The following SPSB1 variants were observed in gnomAD, a reference collection of about 807,000 sequenced individuals.
SPSB1 encodes splA/ryanodine receptor domain and SOCS box containing 1, also known as SPRY domain-containing SOCS box protein 1.
SPSB1 carries 8 observed loss-of-function variants against 21.2 expected under a neutral mutation model. The observed-to-expected ratio is 0.38, with a 90% CI of 0.22 to 0.68. SPSB1 has a LOEUF of 0.68. Among genes scored for constraint, SPSB1 ranks in the 30% least tolerant of loss-of-function variants. The probability of loss-of-function intolerance (pLI) is 0.53; values close to 1 mark genes in which losing one functional copy is unlikely to be tolerated. For synonymous variants in SPSB1, 169 were observed against 161.7 expected (o/e 1.05, Z -0.34); for missense variants, 242 against 377.8 (o/e 0.64, Z 2.98).
intron 1 of SPSB1, among the ~76,000 whole-genome samples, chr1:9,335,712 A>G (rs1639993558): frequency 6.6e-6 from 1 of 152,112 alleles, no homozygotes; most frequent in African/African-American, 2.4e-5. Context: ...AGGCAGGAAG[A>G]TCACTTGAGC....
chr1:9,357,618 C>T (rs1389816792), intron 2 of SPSB1, among the ~76,000 whole-genome samples: 1 of 152,176 alleles, frequency 6.6e-6, no homozygotes, highest in Non-Finnish European at 1.5e-5. Flanking sequence ...TGAGGGACTT[C>T]TTCAGTCATG....
intron 1 of SPSB1, among the ~76,000 whole-genome samples, chr1:9,315,688 C>T (rs1319725622): frequency 6.6e-6 from 1 of 152,244 alleles, no homozygotes; most frequent in Non-Finnish European, 1.5e-5. Context: ...TAGGGCATCA[C>T]GTGCAGCAAA....
chr1:9,333,701 C>G (rs917762675), intron 1 of SPSB1, among the ~76,000 whole-genome samples: 4 of 152,268 alleles, frequency 2.6e-5, no homozygotes, highest in Admixed American at 2.6e-4. Flanking sequence ...GTAGGCTGAC[C>G]CCAGAGCGGC....
At chr1:9,351,161 A>G (rs1640249225) in intron 1 of SPSB1, among the ~76,000 whole-genome samples, 1 of 152,240 alleles carries the variant, frequency 6.6e-6, no homozygotes, top group African/African-American at 2.4e-5. Context: ...AAACACATTC[A>G]TGCCCATTGA....
intron 1 of SPSB1, among the ~76,000 whole-genome samples, chr1:9,319,572 G>T (rs898566358): frequency 7.9e-5 from 12 of 152,158 alleles, no homozygotes; most frequent in African/African-American, 2.9e-4. Flanking sequence ...GGAGCGCTTG[G>T]GTCAGGCCCT....
At chr1:9,360,928 T>A (rs1366716404) in intron 2 of SPSB1, among the ~76,000 whole-genome samples, 1 of 151,816 alleles carries the variant, frequency 6.6e-6, no homozygotes. Context: ...CTGTGGGGGG[T>A]GAAAGATGAG....
At chr1:9,308,397 G>A (rs1639457258) in intron 1 of SPSB1, among the ~76,000 whole-genome samples, 1 of 152,144 alleles carries the variant, frequency 6.6e-6, no homozygotes, top group African/African-American at 2.4e-5. Context: ...GTGGGTCGGG[G>A]GACAGTTTCT....
At chr1:9,316,870 C>T (rs1439049047) in intron 1 of SPSB1, among the ~76,000 whole-genome samples, 7 of 152,186 alleles carry the variant, frequency 4.6e-5, no homozygotes, top group Non-Finnish European at 8.8e-5. Context: ...TGTGACCTCT[C>T]TGAGCCTCAG....
intron 1 of SPSB1, among the ~76,000 whole-genome samples, chr1:9,332,137 G>A (rs1639931709): frequency 6.6e-6 from 1 of 151,890 alleles, no homozygotes; most frequent in South Asian, 2.1e-4. Context: ...GATTGCTTGA[G>A]GCCAGAAGTT....
chr1:9,321,950 C>T lies in SPSB1; in HGVS notation c.-150+28879C>T, dbSNP rs1177450157. On this transcript the variant is annotated intron_variant, in intron 1 of 2. Coordinates refer to ENST00000328089, the MANE Select transcript of SPSB1 (RefSeq NM_025106.4). The surrounding 1 kb of genome is among the most constrained non-coding windows in gnomAD (Gnocchi z 4.8). ...GTGATCCTGCTCTGGGCTCTCCAGT[C>T]ACCTCTAACCCTGTGGGGGACAACC... Among the ~76,000 whole-genome samples the T allele has an allele frequency of 6.6e-6, 1 of 152,164 alleles. No homozygotes were observed. Among genetic ancestry groups the T allele is most frequent in the Non-Finnish European group, 1.5e-5 (1 of 68,026 alleles).
In SPSB1 at chr1:9,368,963, ACT is replaced by A. The variant is rs1640620605; in HGVS notation, c.*1393_*1394del. On this transcript the variant is annotated 3_prime_UTR_variant, in exon 3 of 3. Transcript: ENST00000328089. ...TGCCATTTCTTTGAGCTTGAAGTTA[ACT>A]CTCTTAGAGTCTAACTTTGGTTCAT... 1 of 152,400 alleles carries A rather than the reference ACT, an allele frequency of 6.6e-6. No homozygotes were observed. The highest frequency in any genetic ancestry group is 1.5e-5 in the Non-Finnish European group (1 of 68,020). 9.4% of individuals were successfully genotyped at this position (152,400 alleles called of 1,614,324 possible). A position where few individuals can be genotyped will look rare whatever the true frequency, so the allele number is the denominator to read the frequency against.
intron 1 of SPSB1, among the ~76,000 whole-genome samples, chr1:9,323,831 C>T (rs758171407): frequency 6.6e-6 from 1 of 152,182 alleles, no homozygotes; most frequent in Non-Finnish European, 1.5e-5. Context: ...CTGTTGCCCA[C>T]GGACGGCAGG....
rs151142942 is a variant in SPSB1 at position 9,307,760 on chromosome 1, G to A, written c.-150+14689G>A. 2.4e-4 allele frequency among the ~76,000 whole-genome samples: 37 copies of A among 152,290 alleles called. No individual in the cohort carries two copies. In the East Asian group the frequency reaches 4.4e-3, roughly 18 times the overall value. ...TTGTTACTTATTTGTATCTTTTCCC[G>A]TTGATCTATTAAAAATGACACCTGT... On this transcript the variant is annotated intron_variant, in intron 1 of 2. Coordinates refer to ENST00000328089, the MANE Select transcript of SPSB1 (RefSeq NM_025106.4).
At chr1:9,313,582 G>C (rs1418853761) in intron 1 of SPSB1, among the ~76,000 whole-genome samples, 3 of 152,162 alleles carry the variant, frequency 2.0e-5, no homozygotes, top group Non-Finnish European at 2.9e-5. Flanking sequence ...ATTCTGGGAG[G>C]GGTGGGCCCG....
intron 1 of SPSB1, among the ~76,000 whole-genome samples, chr1:9,339,735 C>T (rs1640059328): frequency 6.6e-6 from 1 of 152,060 alleles, no homozygotes. Flanking sequence ...CTTCCCAGAC[C>T]CCGAGTGACT....
chr1:9,311,970 A>G (rs1328798885), intron 1 of SPSB1, among the ~76,000 whole-genome samples: 1 of 152,024 alleles, frequency 6.6e-6, no homozygotes, highest in Non-Finnish European at 1.5e-5. Flanking sequence ...AGGAGACCTC[A>G]TGCAGATGAC....
rs1640367923 is a variant in SPSB1 at position 9,356,648 on chromosome 1, C to T, written c.694+63C>T. 2.0e-6 allele frequency: 3 copies of T among 1,523,890 alleles called. No homozygotes were observed. The highest frequency in any genetic ancestry group is 1.4e-5 in the African/African-American group (1 of 72,300). The allele number at this position is 1,523,890 out of a possible 1,614,324, so 94.4% of individuals were successfully genotyped here. A position where few individuals can be genotyped will look rare whatever the true frequency, so the allele number is the denominator to read the frequency against. Reference sequence around the variant, plus strand: ...CTCAGTCCCCATGGTCCTGGCTGGGCTCAGGCCAAAAGTTGATTCATTGGA... The same window carrying T: ...CTCAGTCCCCATGGTCCTGGCTGGGTTCAGGCCAAAAGTTGATTCATTGGA... On this transcript the variant is annotated intron_variant, in intron 2 of 2. Coordinates refer to ENST00000328089, the MANE Select transcript of SPSB1 (RefSeq NM_025106.4). The surrounding 1 kb of genome is among the most constrained non-coding windows in gnomAD (Gnocchi z 7.4).
chr1:9,335,518 T>C (rs1289242848), intron 1 of SPSB1, among the ~76,000 whole-genome samples: 1 of 131,078 alleles, frequency 7.6e-6, no homozygotes, highest in Non-Finnish European at 1.6e-5. Context: ...AAAAAAAAGA[T>C]CGTTGTGGGG....
chr1:9,366,879 T>G (rs1640580960), intron 2 of SPSB1, among the ~76,000 whole-genome samples: 1 of 152,236 alleles, frequency 6.6e-6, no homozygotes, highest in Non-Finnish European at 1.5e-5. Flanking sequence ...CAGCTAGTCT[T>G]CAGCTTTAAA....
Sources: allele counts gnomAD v4.1 joint callset (sites outside exome capture counted in the v4.1 genomes callset), GRCh38; gene constraint gnomAD v4.1.1; non-coding constraint Gnocchi (gnomAD v3.1); transcripts MANE v1.5; gene names NCBI Gene and HGNC (gene_info 2026-07-23, HGNC 2026-07-21).